The following ZFPM2 variants were observed in gnomAD, a reference collection of about 807,000 sequenced individuals.
The protein encoded by ZFPM2 is zinc finger protein, FOG family member 2.
In ZFPM2, 20 loss-of-function variants were observed where a neutral mutation model predicts 98.6. That is an observed-to-expected ratio of 0.20 (90% CI 0.14 to 0.29). ZFPM2 has a LOEUF of 0.29. Among genes scored for constraint, ZFPM2 ranks in the 10% least tolerant of loss-of-function variants. ZFPM2 has a pLI of 1.00. For synonymous variants in ZFPM2, 518 were observed against 502.7 expected (o/e 1.03, Z -0.41); for missense variants, 1,310 against 1,388.6 (o/e 0.94, Z 0.90).
intron 2 of ZFPM2, among the ~76,000 whole-genome samples, chr8:105,442,615 T>G (rs1378922646): frequency 6.6e-6 from 1 of 152,136 alleles, no homozygotes; most frequent in Non-Finnish European, 1.5e-5. Flanking sequence ...TTCAGTGGTG[T>G]GGTTTATGTA....
intron 3 of ZFPM2, among the ~76,000 whole-genome samples, chr8:105,556,233 A>G (rs1017540591): frequency 6.6e-6 from 1 of 152,158 alleles, no homozygotes; most frequent in Non-Finnish European, 1.5e-5. Flanking sequence ...GGGTGAATCC[A>G]ACAGCCAATG....
intron 4 of ZFPM2, among the ~76,000 whole-genome samples, chr8:105,569,360 A>T (rs538505120): frequency 6.6e-6 from 1 of 152,234 alleles, no homozygotes; most frequent in East Asian, 1.9e-4. Context: ...CTTATTCAAG[A>T]CCCTGCATCC....
At chr8:105,776,053 A>G (rs921412405) in intron 5 of ZFPM2, among the ~76,000 whole-genome samples, 2 of 152,084 alleles carry the variant, frequency 1.3e-5, no homozygotes, top group Admixed American at 6.6e-5. Context: ...TAAAAAAGAA[A>G]GGAAATTATC....
At chr8:105,529,120 C>T (rs11992318) in intron 3 of ZFPM2, among the ~76,000 whole-genome samples, 68 of 152,210 alleles carry the variant, frequency 4.5e-4, no homozygotes, top group African/African-American at 1.6e-3. Flanking sequence ...ATCCTGAAGT[C>T]TCTCTCCCTA....
At chr8:105,385,260 G>T (rs1302413670) in intron 1 of ZFPM2, among the ~76,000 whole-genome samples, 1 of 152,218 alleles carries the variant, frequency 6.6e-6, no homozygotes, top group Non-Finnish European at 1.5e-5. Flanking sequence ...CTCTGGGCAG[G>T]TTGTGAAGGA....
At chr8:105,486,262 C>G (rs543076336) in intron 3 of ZFPM2, among the ~76,000 whole-genome samples, 1 of 152,142 alleles carries the variant, frequency 6.6e-6, no homozygotes, top group African/African-American at 2.4e-5. Flanking sequence ...AAACATGATG[C>G]GTGACTTTTC....
chr8:105,441,027 T>G (rs1311520799), intron 2 of ZFPM2, among the ~76,000 whole-genome samples: 2 of 151,796 alleles, frequency 1.3e-5, no homozygotes, highest in African/African-American at 4.8e-5. Flanking sequence ...TGGTGGCGCC[T>G]GCCTGTAATC....
At chr8:105,339,196 A>G (rs1190149420) in intron 1 of ZFPM2, among the ~76,000 whole-genome samples, 2 of 151,882 alleles carry the variant, frequency 1.3e-5, no homozygotes, top group Admixed American at 6.6e-5. Flanking sequence ...CAGCCCCCTC[A>G]CTACCGACAC....
chr8:105,416,520 CTTATTT>C (rs1484892279), intron 1 of ZFPM2, among the ~76,000 whole-genome samples: 6 of 151,382 alleles, frequency 4.0e-5, no homozygotes, highest in Non-Finnish European at 8.9e-5. Context: ...GAAAAATAGA[CTTATTT>C]TTATATTTTT....
chr8:105,506,971 G>C (rs550495499), intron 3 of ZFPM2, among the ~76,000 whole-genome samples: 39 of 135,656 alleles, frequency 2.9e-4, no homozygotes, highest in Non-Finnish European at 4.8e-4. Flanking sequence ...CTGGGCCACA[G>C]AGCCAGACTC....
intron 4 of ZFPM2, among the ~76,000 whole-genome samples, chr8:105,588,465 A>T (rs966553529): frequency 6.6e-6 from 1 of 152,204 alleles, no homozygotes; most frequent in Non-Finnish European, 1.5e-5. Flanking sequence ...TATCAAAATA[A>T]AAAAGCATTT....
At chr8:105,443,296 G>A (rs148415935) in intron 2 of ZFPM2, among the ~76,000 whole-genome samples, 3,310 of 131,374 alleles carry the variant, frequency 0.025, 54 homozygotes, top group Middle Eastern at 0.045. Flanking sequence ...GTGACAGAGC[G>A]AGTAAGACTC....
intron 5 of ZFPM2, among the ~76,000 whole-genome samples, chr8:105,754,946 A>ATGTGTGTGTG (rs34267329): frequency 2.7e-4 from 40 of 146,550 alleles, no homozygotes; most frequent in African/African-American, 8.7e-4. Context: ...GAAATTTAAT[A>ATGTGTGTGTG]TGTGTGTGTG....
At chr8:105,450,312 T>A (rs563630469) in intron 3 of ZFPM2, among the ~76,000 whole-genome samples, 1 of 152,204 alleles carries the variant, frequency 6.6e-6, no homozygotes, top group Admixed American at 6.5e-5. Flanking sequence ...TCTTTACTAG[T>A]CCAAAGAAGG....
rs1466231682 is a variant in ZFPM2, at chr8:105,747,875, A to C, written c.533-40843A>C. Among the ~76,000 whole-genome samples, 3 of 152,214 alleles carry C rather than the reference A, an allele frequency of 2.0e-5. No homozygotes were observed. The East Asian group carries it at 5.8e-4, about 30-fold the overall frequency. On this transcript the variant is annotated intron_variant, in intron 5 of 7. Transcript: ENST00000407775. ...AAGTGGAACCAATTAATGCATTCAC[A>C]CGTGTGGTATGGCTTAATATTTCGT...
intron 4 of ZFPM2, among the ~76,000 whole-genome samples, chr8:105,568,084 C>G (rs1485344455): frequency 6.6e-6 from 1 of 152,072 alleles, no homozygotes; most frequent in Non-Finnish European, 1.5e-5. Flanking sequence ...TCTCTTCTCC[C>G]TCTGTTCCCA....
At chr8:105,639,870 A>T (rs1359083313) in intron 5 of ZFPM2, among the ~76,000 whole-genome samples, 2 of 152,080 alleles carry the variant, frequency 1.3e-5, no homozygotes, top group East Asian at 3.9e-4. Context: ...AGAATTAGAG[A>T]CCTGAAGCCT....
intron 4 of ZFPM2, among the ~76,000 whole-genome samples, chr8:105,609,366 G>A (rs142403282): frequency 1.2e-4 from 19 of 152,220 alleles, no homozygotes; most frequent in African/African-American, 3.6e-4. Flanking sequence ...TGCCTCCAGT[G>A]GAGAGGACAA....
intron 4 of ZFPM2, among the ~76,000 whole-genome samples, chr8:105,628,459 G>T (rs1213761419): frequency 6.6e-6 from 1 of 152,118 alleles, no homozygotes; most frequent in African/African-American, 2.4e-5. Context: ...CCACCCTCAA[G>T]CCAAAAAGCC....
Sources: gnomAD v4.1 joint callset for allele counts (sites outside exome capture counted in the v4.1 genomes callset) on GRCh38, gnomAD v4.1.1 for gene constraint, MANE v1.5 for transcripts, NCBI Gene and HGNC (gene_info 2026-07-23, HGNC 2026-07-21) for gene names.